MAGI2: variants seen among roughly 807,000 people sequenced by gnomAD.
MAGI2 encodes the protein membrane-associated guanylate kinase, WW and PDZ domain-containing protein 2.
In MAGI2, 35 loss-of-function variants were observed where a neutral mutation model predicts 133.3. That is an observed-to-expected ratio of 0.26 (90% CI 0.20 to 0.35). The LOEUF is 0.35. MAGI2 is among the 10% of genes least tolerant of loss of function. The pLI, the probability that MAGI2 is intolerant of heterozygous loss-of-function variation, is 1.00. For synonymous variants in MAGI2, 729 were observed against 710.6 expected (o/e 1.03, Z -0.41); for missense variants, 1,636 against 1,863.4 (o/e 0.88, Z 2.25).
chr7:78,660,073 G>C (rs577886560), intron 2 of MAGI2, among the ~76,000 whole-genome samples: 2 of 145,260 alleles, frequency 1.4e-5, no homozygotes, highest in Non-Finnish European at 3.0e-5. Context: ...ATTGAACAAT[G>C]AGAACACTTG....
rs1463115237 is a variant in MAGI2 at position 78,135,098 on chromosome 7, T to A, written c.2954A>T (p.Asn985Ile). 1.9e-6 allele frequency: 3 copies of A among 1,614,130 alleles called. No homozygotes were observed. The East Asian group carries it at 6.7e-5, about 36-fold the overall frequency. ...ILAVNGQSII[N>I]MPHADIVKLI... is the part of the protein sequence containing the mutation. Reference sequence around the variant, plus strand: ...CTTCACGATGTCAGCGTGAGGCATGTTGATGATAGACTGGCCATTCACTGC... The same window carrying A: ...CTTCACGATGTCAGCGTGAGGCATGATGATGATAGACTGGCCATTCACTGC... The change falls in exon 17 of 22, where the codon AAC (asparagine) becomes ATC (isoleucine). Residue 985 changes from asparagine to isoleucine, a missense_variant. By Grantham distance (149) the Asn-to-Ile change is moderately radical. Around this residue, in one of 5 missense-constraint regions of MAGI2, gnomAD observed 920 missense variants for 1,093.5 expected, o/e 0.84. Transcript: ENST00000354212.
intron 1 of MAGI2, among the ~76,000 whole-genome samples, chr7:79,407,968 T>C (rs1845920606): frequency 6.6e-6 from 1 of 152,138 alleles, no homozygotes; most frequent in Non-Finnish European, 1.5e-5. Flanking sequence ...AAATGTACTT[T>C]TGTAACACTT....
chr7:78,070,172 CACATATATATAT>C (rs1814380538), intron 21 of MAGI2, among the ~76,000 whole-genome samples: 1 of 28,888 alleles, frequency 3.5e-5, no homozygotes, highest in South Asian at 1.8e-3. Context: ...TACACACACA[CACATATATATAT>C]ATATATATAT....
chr7:78,917,419 T>G (rs1484490021), intron 2 of MAGI2, among the ~76,000 whole-genome samples: 1 of 151,674 alleles, frequency 6.6e-6, no homozygotes, highest in Admixed American at 6.6e-5. Context: ...CAAGTAGGAG[T>G]GGGCCAACTG....
At chr7:79,293,947 C>T (rs1191572988) in intron 1 of MAGI2, among the ~76,000 whole-genome samples, 3 of 152,102 alleles carry the variant, frequency 2.0e-5, no homozygotes. Context: ...CTTTGGGAGG[C>T]CAAGGAGGGT....
At chr7:78,493,979 T>C (rs531055166) in intron 5 of MAGI2, among the ~76,000 whole-genome samples, 15 of 150,126 alleles carry the variant, frequency 1.0e-4, no homozygotes, top group African/African-American at 1.9e-4. Flanking sequence ...TTTCCTATTC[T>C]TTTTTTTTTC....
intron 2 of MAGI2, among the ~76,000 whole-genome samples, chr7:78,833,331 A>G (rs1791350462): frequency 1.3e-5 from 2 of 152,172 alleles, no homozygotes; most frequent in East Asian, 3.9e-4. Flanking sequence ...TAAATCCCTC[A>G]CTAAACTATC....
chr7:78,196,313 C>T (rs1828730651), intron 11 of MAGI2, among the ~76,000 whole-genome samples: 1 of 152,052 alleles, frequency 6.6e-6, no homozygotes, highest in South Asian at 2.1e-4. Context: ...ACGAGTCTAC[C>T]CAGCCATGTC....
chr7:78,653,903 T>C (rs1160104617), intron 2 of MAGI2, among the ~76,000 whole-genome samples: 1 of 152,170 alleles, frequency 6.6e-6, no homozygotes, highest in African/African-American at 2.4e-5. Flanking sequence ...TTATTTATCT[T>C]TGAATAAATG....
intron 6 of MAGI2, among the ~76,000 whole-genome samples, chr7:78,419,349 C>A (rs1413170770): frequency 1.3e-5 from 2 of 151,984 alleles, no homozygotes; most frequent in Non-Finnish European, 2.9e-5. Flanking sequence ...TGGTGTGTAG[C>A]CCTTCAGAGA....
chr7:78,479,686 A>C (rs1014643381), intron 6 of MAGI2, among the ~76,000 whole-genome samples: 13 of 152,006 alleles, frequency 8.6e-5, no homozygotes, highest in African/African-American at 3.1e-4. Flanking sequence ...GTCCATTTAA[A>C]AATGGTCTGT....
chr7:78,903,345 T>A (rs1021770156), intron 2 of MAGI2, among the ~76,000 whole-genome samples: 1 of 151,638 alleles, frequency 6.6e-6, no homozygotes, highest in Non-Finnish European at 1.5e-5. Context: ...AGGCGCCCGC[T>A]ACCACGCCCG....
intron 3 of MAGI2, among the ~76,000 whole-genome samples, chr7:78,586,303 C>A (rs915265973): frequency 1.3e-5 from 2 of 152,136 alleles, no homozygotes; most frequent in Non-Finnish European, 2.9e-5. Flanking sequence ...GCTGTGATAA[C>A]TAGAAAAGTA....
At chr7:78,122,108 T>C (rs1439032971) in intron 20 of MAGI2, among the ~76,000 whole-genome samples, 2 of 152,144 alleles carry the variant, frequency 1.3e-5, no homozygotes, top group South Asian at 2.1e-4. Flanking sequence ...AAGTGCTTTA[T>C]TTAGGAAGGT....
At chr7:79,205,316 T>C (rs1436987144) in intron 1 of MAGI2, among the ~76,000 whole-genome samples, 1 of 151,900 alleles carries the variant, frequency 6.6e-6, no homozygotes, top group Non-Finnish European at 1.5e-5. Context: ...CAGGAGAAAG[T>C]GAGGTGAAAT....
intron 1 of MAGI2, among the ~76,000 whole-genome samples, chr7:79,338,524 A>G (rs930987365): frequency 3.3e-5 from 5 of 152,102 alleles, no homozygotes; most frequent in Non-Finnish European, 5.9e-5. Context: ...AATCCAAAGA[A>G]CTTTTAAAAC....
intron 2 of MAGI2, among the ~76,000 whole-genome samples, chr7:78,900,026 A>T (rs939761181): frequency 2.6e-5 from 4 of 152,162 alleles, no homozygotes; most frequent in Non-Finnish European, 4.4e-5. Flanking sequence ...CCATTTACTA[A>T]AGTGAAAGGG....
intron 3 of MAGI2, among the ~76,000 whole-genome samples, chr7:78,574,934 T>G (rs1384410978): frequency 6.6e-6 from 1 of 152,192 alleles, no homozygotes; most frequent in African/African-American, 2.4e-5. Flanking sequence ...TTCAAGACCA[T>G]GCTTAAATTC....
rs555062017 is a variant in MAGI2, at chr7:79,265,405, G to C, written c.301+187615C>G. ...AGAATATACAAAAATATTCAAAAAT[G>C]ATATAAAACCTACCCACCATTACCC... On this transcript the variant is annotated intron_variant, in intron 1 of 21. Coordinates refer to ENST00000354212, the MANE Select transcript of MAGI2 (RefSeq NM_012301.4). 3.9e-5 allele frequency among the ~76,000 whole-genome samples: 6 copies of C among 152,144 alleles called. No individual in the cohort carries two copies. The South Asian group carries it at 1.2e-3, about 32-fold the overall frequency.
Sources: gnomAD v4.1 joint callset for allele counts (sites outside exome capture counted in the v4.1 genomes callset) on GRCh38, gnomAD v4.1.1 for gene constraint, gnomAD v4.1.1 regional missense constraint, MANE v1.5 for transcripts, NCBI Gene and HGNC (gene_info 2026-07-23, HGNC 2026-07-21) for gene names.